The following ZNF487 variants were observed in gnomAD, a reference collection of about 807,000 sequenced individuals.
The protein encoded by ZNF487 is KRAB domain only 1.
A neutral mutation model predicts 3.0 loss-of-function variants in ZNF487; 4 were observed. That is an observed-to-expected ratio of 1.35 (90% CI 0.66 to 3.08). The LOEUF is 3.08. Ranked by LOEUF, ZNF487 falls within the 30% of genes most tolerant of loss-of-function variation. The pLI is 0.01. For missense variants in ZNF487, 146 were observed against 98.7 expected (o/e 1.48, Z -2.03); for synonymous variants, 55 against 34.6 (o/e 1.59, Z -2.06).
In ZNF487 at chr10:43,482,129, TCA is replaced by T. The variant is rs1342839009; in HGVS notation, c.*208_*209del. 1 of 565,186 alleles carries T rather than the reference TCA, an allele frequency of 1.8e-6. No individual in the cohort carries two copies. The highest frequency in any genetic ancestry group is 1.9e-5 in the African/African-American group (1 of 53,386). The allele number at this position is 565,186 out of a possible 1,614,324, so 35.0% of individuals were successfully genotyped here. On this transcript the variant is annotated 3_prime_UTR_variant, in exon 4 of 4. Transcript: ENST00000437590. ...AATAGTTTTGGCAAGAAATCACTCC[TCA>T]TTCTACAAAGTTACAGAGGAGAGAA... is the stretch of plus-strand genomic sequence containing the variant.
At chr10:43,499,970 G>A in the ZNF487 span, among the ~76,000 whole-genome samples, 2 of 152,046 alleles carry the variant, frequency 1.3e-5, no homozygotes, top group African/African-American at 4.8e-5. Flanking sequence ...TGCAACCTCC[G>A]CCTCCCAGGT....
At chr10:43,462,749 C>T (rs1010169241) in intron 1 of ZNF487, among the ~76,000 whole-genome samples, 16 of 149,950 alleles carry the variant, frequency 1.1e-4, no homozygotes, top group African/African-American at 2.0e-4. Context: ...CCACTGCATC[C>T]GGCCTTTTTT....
intron 1 of ZNF487, among the ~76,000 whole-genome samples, chr10:43,467,671 G>C (rs900307622): frequency 6.6e-6 from 1 of 151,838 alleles, no homozygotes; most frequent in Non-Finnish European, 1.5e-5. Context: ...ACAAAAATTA[G>C]CTGGGTGTGG....
intron 1 of ZNF487, among the ~76,000 whole-genome samples, chr10:43,469,531 A>G (rs1840829717): frequency 6.6e-6 from 1 of 151,938 alleles, no homozygotes; most frequent in Admixed American, 6.6e-5. Flanking sequence ...AATAAGAGAC[A>G]GGGTCCCTTA....
At chr10:43,480,717 T>C (rs1001229768) in intron 3 of ZNF487, among the ~76,000 whole-genome samples, 1 of 150,826 alleles carries the variant, frequency 6.6e-6, no homozygotes, top group Non-Finnish European at 1.5e-5. Flanking sequence ...CGCCCACCTC[T>C]CTCTCTCTCT....
At chr10:43,491,753 G>A in the ZNF487 span, among the ~76,000 whole-genome samples, 12 of 151,640 alleles carry the variant, frequency 7.9e-5, no homozygotes, top group Non-Finnish European at 1.5e-4. Context: ...ATCTCTTAAT[G>A]TCTTATTTTG....
chr10:43,468,988 CAAAAAAAAAAA>C (rs59076073), intron 1 of ZNF487, among the ~76,000 whole-genome samples: 43 of 60,934 alleles, frequency 7.1e-4, no homozygotes, highest in Non-Finnish European at 9.2e-4. Flanking sequence ...GACTCTATCT[CAAAAAAAAAAA>C]AAAAAAAAAA....
the ZNF487 span, among the ~76,000 whole-genome samples, chr10:43,493,518 A>C: frequency 6.6e-6 from 1 of 151,462 alleles, no homozygotes; most frequent in South Asian, 2.1e-4. Context: ...ACATGGCGAA[A>C]CCCTGTCTCT....
the ZNF487 span, among the ~76,000 whole-genome samples, chr10:43,496,637 A>G: frequency 6.6e-6 from 1 of 152,094 alleles, no homozygotes; most frequent in Non-Finnish European, 1.5e-5. Context: ...CATTTCATTT[A>G]TTTATTTATT....
chr10:43,472,100 T>G (rs960977275), intron 1 of ZNF487, among the ~76,000 whole-genome samples: 2 of 152,226 alleles, frequency 1.3e-5, no homozygotes, highest in African/African-American at 4.8e-5. Flanking sequence ...TTGTACTTTG[T>G]CTGGCTGAGG....
At chr10:43,460,278 A>G (rs1840381126) in intron 1 of ZNF487, among the ~76,000 whole-genome samples, 1 of 152,136 alleles carries the variant, frequency 6.6e-6, no homozygotes, top group East Asian at 1.9e-4. Flanking sequence ...TTCCAGGAAC[A>G]AAGTCATATT....
At chr10:43,505,607 T>A in the ZNF487 span, among the ~76,000 whole-genome samples, 1 of 151,930 alleles carries the variant, frequency 6.6e-6, no homozygotes, top group African/African-American at 2.4e-5. Flanking sequence ...TATACAATGT[T>A]TGCTCATCAA....
chr10:43,512,599 C>T, the ZNF487 span, among the ~76,000 whole-genome samples: 111,471 of 152,056 alleles, frequency 0.73, 41,999 homozygotes, highest in East Asian at 0.93. Flanking sequence ...AAGCTTCCAT[C>T]GTGATTCACC....
the ZNF487 span, among the ~76,000 whole-genome samples, chr10:43,495,288 G>T: frequency 1.3e-5 from 2 of 149,562 alleles, no homozygotes; most frequent in Non-Finnish European, 3.0e-5. Context: ...CTGTCTCCCA[G>T]TTTGGAGTAC....
chr10:43,515,267 G>A, the ZNF487 span, among the ~76,000 whole-genome samples: 1 of 152,114 alleles, frequency 6.6e-6, no homozygotes, highest in Non-Finnish European at 1.5e-5. Flanking sequence ...GGGCCTGTTG[G>A]GACTTTAGTT....
intron 1 of ZNF487, among the ~76,000 whole-genome samples, chr10:43,450,264 TCTC>T (rs1839960483): frequency 6.6e-6 from 1 of 152,072 alleles, no homozygotes; most frequent in South Asian, 2.1e-4. Flanking sequence ...GTCAGTTTGG[TCTC>T]GAACTCCCAA....
chr10:43,481,734 T>G lies in ZNF487; in HGVS notation c.436T>G (p.Tyr146Asp), dbSNP rs773012103. 1 of 716,634 alleles carries G rather than the reference T, an allele frequency of 1.4e-6. No individual in the cohort carries two copies. Among genetic ancestry groups the G allele is most frequent in the South Asian group, 1.5e-5 (1 of 67,602 alleles). 44.4% of individuals were successfully genotyped at this position (716,634 alleles called of 1,614,324 possible). A position where few individuals can be genotyped will look rare whatever the true frequency, so the allele number is the denominator to read the frequency against. ...CCTCTGTATGAAGCGTGAGAATCCT[T>G]ATGCCAGAGGGAAACCTTTGGAATA... is the stretch of plus-strand genomic sequence containing the variant. Reference protein sequence around the residue: ...FLLCMKRENPYARGKPLEYDG... With the variant: ...FLLCMKRENPDARGKPLEYDG... Residue 146 changes from tyrosine (Y) to aspartate (D), a missense_variant, in exon 4 of 4, where the codon TAT becomes GAT. Coordinates refer to ENST00000437590, the MANE Select transcript of ZNF487 (RefSeq NM_001355444.3).
Position 43,481,967 on chromosome 10 carries a change from T to C in ZNF487, c.*45T>C. Reference sequence around the variant, plus strand: ...GCCTTTTCCGATAGACCAATATTCATTGTTCATCAGAGAACTCACATAAGG... The same window carrying C: ...GCCTTTTCCGATAGACCAATATTCACTGTTCATCAGAGAACTCACATAAGG... On this transcript the variant is annotated 3_prime_UTR_variant, in exon 4 of 4. Coordinates refer to ENST00000437590, the MANE Select transcript of ZNF487 (RefSeq NM_001355444.3). The C allele has an allele frequency of 3.3e-6, 2 of 603,768 alleles. No homozygotes were observed. Among genetic ancestry groups the C allele is most frequent in the African/African-American group, 1.9e-5 (1 of 54,020 alleles). 37.4% of individuals were successfully genotyped at this position (603,768 alleles called of 1,614,324 possible).
intron 1 of ZNF487, among the ~76,000 whole-genome samples, chr10:43,461,782 A>G (rs1840440250): frequency 6.6e-6 from 1 of 152,156 alleles, no homozygotes; most frequent in Non-Finnish European, 1.5e-5. Context: ...TTCTTTATGA[A>G]TAATTTTAAA....
Sources: allele counts gnomAD v4.1 joint callset (sites outside exome capture counted in the v4.1 genomes callset), GRCh38; gene constraint gnomAD v4.1.1; transcripts MANE v1.5; gene names NCBI Gene and HGNC (gene_info 2026-07-23, HGNC 2026-07-21).